ZNF223: variants seen among roughly 807,000 people sequenced by gnomAD.
ZNF223 encodes zinc finger protein 223.
A neutral mutation model predicts 12.3 loss-of-function variants in ZNF223; 9 were observed. The observed-to-expected ratio is 0.73, with a 90% confidence interval of 0.44 to 1.28. The LOEUF is 1.28. ZNF223 is among the 50% of genes most tolerant of loss of function. ZNF223 has a pLI of 0.00. For synonymous variants in ZNF223, 171 were observed against 195.2 expected, an observed-to-expected ratio of 0.88 and a Z score of 1.03; for missense variants, 506 against 579.0, an observed-to-expected ratio of 0.87 and a Z score of 1.29.
At position 44,066,313 on chromosome 19, in the gene ZNF223, T is replaced by C. The variant is rs762703458; in HGVS notation, c.485T>C (p.Ile162Thr). The C allele has an allele frequency of 1.2e-6, 2 of 1,614,228 alleles. No homozygotes were observed. Among genetic ancestry groups the C allele is most frequent in the Non-Finnish European group, 1.7e-6 (2 of 1,180,040 alleles). Residue 162 changes from isoleucine (I) to threonine (T), a missense_variant, in exon 5 of 5, where the codon ATC (isoleucine) becomes ACC (threonine). Ile to Thr is a moderately conservative substitution (Grantham distance 89). Coordinates refer to ENST00000434772, the MANE Select transcript of ZNF223 (RefSeq NM_013361.6). Reference protein sequence around the residue: ...KCKQSFSDMSIFDLPQQIRSA... With the variant: ...KCKQSFSDMSTFDLPQQIRSA... ...AAACAATCCTTCAGTGATATGTCCA[T>C]CTTTGATCTTCCTCAGCAAATACGC... is the stretch of plus-strand genomic sequence containing the variant.
In ZNF223 at chr19:44,067,589, GA is replaced by G; in HGVS notation, c.*315del. The G allele has an allele frequency of 2.5e-6, 1 of 397,712 alleles. No individual in the cohort carries two copies. Among genetic ancestry groups the G allele is most frequent in the South Asian group, 2.1e-5 (1 of 48,658 alleles). The allele number at this position is 397,712 out of a possible 1,614,324, so 24.6% of individuals were successfully genotyped here. A position where few individuals can be genotyped will look rare whatever the true frequency, so the allele number is the denominator to read the frequency against. On this transcript the variant is annotated 3_prime_UTR_variant, in exon 5 of 5. Coordinates refer to ENST00000434772, the MANE Select transcript of ZNF223 (RefSeq NM_013361.6). ...GAGCCACTGTTCTCACTACTTCTAA[GA>G]AATCAGCTTTTTAAGCTTCCCCATG...
At chr19:44,064,742 G>A (rs150512224) in intron 4 of ZNF223, among the ~76,000 whole-genome samples, 2 of 152,186 alleles carry the variant, frequency 1.3e-5, no homozygotes, top group African/African-American at 4.8e-5. Flanking sequence ...AGCAAAAGAT[G>A]CATATTATAG....
At chr19:44,063,222 C>T (rs1348426410) in intron 4 of ZNF223, 3 of 152,188 alleles carry the variant, frequency 2.0e-5, no homozygotes, top group Admixed American at 1.3e-4. Flanking sequence ...GCAGGAACTT[C>T]AGGGTTTGTT....
At position 44,066,804 on chromosome 19, in the gene ZNF223, A is replaced by G. The variant is rs60833312; in HGVS notation, c.976A>G (p.Ile326Val). ...CACTGGGGAATATGGAAAAGGCTTC[A>G]TTCGTAGGCTGGATTTGTGTAAGCA... ...NSTGEYGKGF[I>V]RRLDLCKHQT... The change falls in exon 5 of 5, where the codon ATT becomes GTT. Residue 326 changes from isoleucine to valine, a missense_variant. Transcript: ENST00000434772. 5.7e-3 allele frequency: 9,266 copies of G among 1,614,186 alleles called. 444 individuals carry two copies. In the African/African-American group the frequency reaches 0.11, roughly 19 times the overall value.
intron 2 of ZNF223, among the ~76,000 whole-genome samples, 183 bp downstream of exon 2, chr19:44,055,374 G>A (rs368493609): frequency 6.6e-6 from 1 of 151,796 alleles, no homozygotes; most frequent in South Asian, 2.1e-4. Flanking sequence ...GGCTTGTATC[G>A]AACTTCTGAC....
rs1976925856 is a variant in ZNF223 at position 44,066,945 on chromosome 19, A to G, written c.1117A>G (p.Lys373Glu). The G allele has an allele frequency of 6.2e-7, 1 of 1,614,232 alleles. No individual in the cohort carries two copies. The highest frequency in any genetic ancestry group is 1.1e-5 in the South Asian group (1 of 91,084). ...QRVHTGEKPY[K>E]CDKCGKSYIT... ...AGTCCACACTGGAGAAAAGCCATAC[A>G]AATGTGACAAGTGTGGGAAGAGCTA... The change falls in exon 5 of 5, where the codon AAA (lysine) becomes GAA (glutamate). Residue 373 changes from lysine (K) to glutamate (E), a missense_variant. Lys to Glu is a moderately conservative substitution (Grantham distance 56). Coordinates refer to ENST00000434772, the MANE Select transcript of ZNF223 (RefSeq NM_013361.6).
At chr19:44,055,448 C>G (rs865956956) in intron 2 of ZNF223, among the ~76,000 whole-genome samples, 2 of 151,768 alleles carry the variant, frequency 1.3e-5, no homozygotes, top group Non-Finnish European at 2.9e-5. Context: ...GCCACCGCAC[C>G]CAGCCAGAAA....
intron 4 of ZNF223, among the ~76,000 whole-genome samples, chr19:44,065,483 G>A (rs1326846914): frequency 2.0e-5 from 3 of 151,500 alleles, no homozygotes; most frequent in Non-Finnish European, 2.9e-5. Context: ...ACAGTAACAG[G>A]TTAAATGTAT....
chr19:44,065,998 G>T, intron 4 of ZNF223, 66 bp from the exon 5 acceptor site: 1 of 1,518,114 alleles, frequency 6.6e-7, no homozygotes. Flanking sequence ...TGTCCTAAGT[G>T]TGAACTCTTA....
At chr19:44,065,759 A>G (rs1346370535) in intron 4 of ZNF223, among the ~76,000 whole-genome samples, 3 of 151,466 alleles carry the variant, frequency 2.0e-5, no homozygotes, top group Non-Finnish European at 4.4e-5. Flanking sequence ...TGTATTTTTA[A>G]TAGAGACGGG....
At chr19:44,056,585 ATTTTT>A (rs775187674) in intron 2 of ZNF223, among the ~76,000 whole-genome samples, 19 of 72,156 alleles carry the variant, frequency 2.6e-4, no homozygotes, top group African/African-American at 1.2e-3. Flanking sequence ...ATGCCTCACC[ATTTTT>A]TTTTTTTTTT....
rs566778184 is a variant in ZNF223 at position 44,066,109 on chromosome 19, C to G, written c.281C>G (p.Pro94Arg). The change falls in exon 5 of 5, where the codon CCA becomes CGA. Residue 94 changes from proline to arginine, a missense_variant. Physicochemically the swap from Pro to Arg is moderately radical, Grantham distance 103. Coordinates refer to ENST00000434772, the MANE Select transcript of ZNF223 (RefSeq NM_013361.6). ...PEMKTFPEAG[P>R]HEGWSCQQIW... ...ATGAAGACTTTTCCAGAAGCAGGAC[C>G]ACATGAAGGGTGGTCCTGCCAGCAG... The G allele has an allele frequency of 6.2e-7, 1 of 1,608,578 alleles. No individual in the cohort carries two copies. The highest frequency in any genetic ancestry group is 2.2e-5 in the East Asian group (1 of 44,852).
At position 44,066,465 on chromosome 19, in the gene ZNF223, T is replaced by C; in HGVS notation, c.637T>C (p.Phe213Leu). The change falls in exon 5 of 5, where the codon TTC becomes CTC. Residue 213 changes from phenylalanine (F) to leucine (L), a missense_variant. Phe to Leu is a conservative substitution (Grantham distance 22). Coordinates refer to ENST00000434772, the MANE Select transcript of ZNF223 (RefSeq NM_013361.6). Reference protein sequence around the residue: ...LFKCDVCGKEFSQSLHLQTHQ... With the variant: ...LFKCDVCGKELSQSLHLQTHQ... Reference sequence around the variant, plus strand: ...TAAGTGTGACGTGTGTGGTAAGGAATTCAGTCAGAGTTTACATCTGCAAAC... The same window carrying C: ...TAAGTGTGACGTGTGTGGTAAGGAACTCAGTCAGAGTTTACATCTGCAAAC... 6.2e-7 allele frequency: 1 copy of C among 1,614,216 alleles called. No individual in the cohort carries two copies. Among genetic ancestry groups the C allele is most frequent in the South Asian group, 1.1e-5 (1 of 91,084 alleles).
At chr19:44,051,767 A>G (rs1287622442), upstream of ZNF223, 1 of 152,282 alleles carries the variant, frequency 6.6e-6, no homozygotes, top group Admixed American at 6.5e-5. Context: ...TCTGCAGTCC[A>G]GACACCTTGC....
intron 4 of ZNF223, among the ~76,000 whole-genome samples, chr19:44,064,136 T>G (rs1424890620): frequency 6.6e-6 from 1 of 152,242 alleles, no homozygotes; most frequent in Non-Finnish European, 1.5e-5. Context: ...ACATTTCATG[T>G]AACGACACCT....
chr19:44,053,125 T>C (rs1976722664), intron 1 of ZNF223, among the ~76,000 whole-genome samples: 1 of 152,156 alleles, frequency 6.6e-6, no homozygotes, highest in East Asian at 1.9e-4. Context: ...GGGGCCTGCC[T>C]CTCCACACCT....
chr19:44,066,593 G>T lies in ZNF223; in HGVS notation c.765G>T (p.Met255Ile), dbSNP rs964256995. 12 of 1,613,984 alleles carry T rather than the reference G, an allele frequency of 7.4e-6. No homozygotes were observed. The highest frequency in any genetic ancestry group is 6.7e-5 in the African/African-American group (5 of 74,872). The change falls in exon 5 of 5, where the codon ATG becomes ATT. Residue 255 changes from methionine (M) to isoleucine (I), a missense_variant. Physicochemically the swap from Met to Ile is conservative, Grantham distance 10 (BLOSUM62 1). Coordinates refer to ENST00000434772, the MANE Select transcript of ZNF223 (RefSeq NM_013361.6). Reference sequence around the variant, plus strand: ...TTACAGTTCATTGCAAATTACACATGGGAGAGAAACATTATAATTGTGAGG... The same window carrying T: ...TTACAGTTCATTGCAAATTACACATTGGAGAGAAACATTATAATTGTGAGG... Reference protein sequence around the residue: ...SALTVHCKLHMGEKHYNCEAC... With the variant: ...SALTVHCKLHIGEKHYNCEAC...
At position 44,066,700 on chromosome 19, in the gene ZNF223, A is replaced by G; in HGVS notation, c.872A>G (p.Glu291Gly). The change falls in exon 5 of 5, where the codon GAG becomes GGG. Residue 291 changes from glutamate to glycine, a missense_variant. Transcript: ENST00000434772. ...IHTGEKPFKCEICSVSFRLRS... is the reference protein window; with the variant it reads ...IHTGEKPFKCGICSVSFRLRS... ...ACAGGGGAGAAGCCATTCAAATGTGAGATATGTAGTGTGAGCTTCCGTCTT... is the reference window on the plus strand; with the variant it reads ...ACAGGGGAGAAGCCATTCAAATGTGGGATATGTAGTGTGAGCTTCCGTCTT... The G allele has an allele frequency of 6.2e-7, 1 of 1,614,198 alleles. No individual in the cohort carries two copies. Among genetic ancestry groups the G allele is most frequent in the Non-Finnish European group, 8.5e-7 (1 of 1,180,036 alleles).
intron 4 of ZNF223, chr19:44,063,694 A>G (rs1016547852): frequency 6.6e-6 from 1 of 152,184 alleles, no homozygotes; most frequent in African/African-American, 2.4e-5. Flanking sequence ...AGCCACATCT[A>G]TCCATACTTT....
Sources: allele counts gnomAD v4.1 joint callset (sites outside exome capture counted in the v4.1 genomes callset), GRCh38; gene constraint gnomAD v4.1.1; transcripts MANE v1.5; gene names NCBI Gene and HGNC (gene_info 2026-07-23, HGNC 2026-07-21).